PPP2R2B: variants seen among roughly 807,000 people sequenced by gnomAD.
The protein encoded by PPP2R2B is serine/threonine-protein phosphatase 2A 55 kDa regulatory subunit B beta isoform.
Under a neutral mutation model 46.0 loss-of-function variants are expected in PPP2R2B, and 5 were observed. The observed-to-expected ratio is 0.11, with a 90% CI of 0.06 to 0.23. The LOEUF (loss-of-function observed/expected upper bound fraction) is 0.23. PPP2R2B is among the 10% of genes least tolerant of loss of function. The pLI, the probability that PPP2R2B is intolerant of heterozygous loss-of-function variation, is 1.00. For synonymous variants in PPP2R2B, 215 were observed against 206.7 expected (o/e 1.04, Z -0.34); for missense variants, 367 against 575.0 (o/e 0.64, Z 3.70).
chr5:146,930,808 T>G (rs762476028), intron 1 of PPP2R2B, among the ~76,000 whole-genome samples: 4 of 152,234 alleles, frequency 2.6e-5, no homozygotes, highest in Non-Finnish European at 5.9e-5. Flanking sequence ...GAATTTTATG[T>G]CTAAAATTTC....
At chr5:146,942,499 T>G (rs1764351963) in intron 1 of PPP2R2B, among the ~76,000 whole-genome samples, 1 of 152,210 alleles carries the variant, frequency 6.6e-6, no homozygotes, top group Admixed American at 6.5e-5. Flanking sequence ...CTTTCACTTT[T>G]TAGTTGCACT....
intron 2 of PPP2R2B, among the ~76,000 whole-genome samples, chr5:146,735,921 T>C (rs1752507435): frequency 6.6e-6 from 1 of 152,200 alleles, no homozygotes; most frequent in African/African-American, 2.4e-5. Flanking sequence ...GCATTATTAT[T>C]TATGATTGCA....
rs185966010 is a variant in PPP2R2B, at chr5:146,999,854, A to G, written c.79+55811T>C. Among the ~76,000 whole-genome samples the G allele has an allele frequency of 5.3e-5, 8 of 152,308 alleles. No homozygotes were observed. In the East Asian group the frequency reaches 1.4e-3, roughly 26 times the overall value. ...CATATGAAGGCATTGGGCCAGACCAATGGTTTACATACTGCATGTAAAGGC... is the reference window on the plus strand; with the variant it reads ...CATATGAAGGCATTGGGCCAGACCAGTGGTTTACATACTGCATGTAAAGGC... On this transcript the variant is annotated intron_variant, in intron 1 of 8. Transcript: ENST00000336640.
chr5:146,854,314 A>G (rs778122409), intron 2 of PPP2R2B, among the ~76,000 whole-genome samples: 6 of 152,154 alleles, frequency 3.9e-5, no homozygotes, highest in Non-Finnish European at 5.9e-5. Context: ...TATGTTACAT[A>G]TTTATGGGGT....
rs112688576 is a variant in PPP2R2B, at chr5:146,734,723, A to T, written c.71-33581T>A. Among the ~76,000 whole-genome samples, 1,160 of 152,324 alleles carry T rather than the reference A, an allele frequency of 7.6e-3. 20 individuals carry two copies. The highest frequency in any genetic ancestry group is 0.027 in the African/African-American group (1,110 of 41,556). On this transcript the variant is annotated intron_variant, in intron 2 of 9. Transcript: ENST00000394411. ...ACCCTCTGCTGTCAAATTGGATAAAATCAATGTCTACCTCAAAGTGCTGGT... is the reference window on the plus strand; with the variant it reads ...ACCCTCTGCTGTCAAATTGGATAAATTCAATGTCTACCTCAAAGTGCTGGT...
intron 2 of PPP2R2B, among the ~76,000 whole-genome samples, chr5:146,810,865 C>T (rs185260711): frequency 0.012 from 1,623 of 140,100 alleles, 38 homozygotes; most frequent in African/African-American, 0.04. Flanking sequence ...TAATGCTATC[C>T]GTCCCCCCTC....
chr5:146,831,317 C>T (rs1007474472), intron 2 of PPP2R2B, among the ~76,000 whole-genome samples: 8 of 151,764 alleles, frequency 5.3e-5, no homozygotes, highest in African/African-American at 1.7e-4. Context: ...GGCAACATGG[C>T]GAAACCCCAT....
chr5:146,960,186 C>T (rs557049618), intron 1 of PPP2R2B, among the ~76,000 whole-genome samples: 9 of 152,138 alleles, frequency 5.9e-5, no homozygotes, highest in Non-Finnish European at 1.5e-5. Flanking sequence ...ACTCAGATTC[C>T]CTTGGCTCTA....
At chr5:146,708,230 G>A (rs1372548685) in intron 2 of PPP2R2B, among the ~76,000 whole-genome samples, 6 of 151,994 alleles carry the variant, frequency 3.9e-5, no homozygotes, top group South Asian at 4.2e-4. Flanking sequence ...GGTGGTGTAT[G>A]TCTGTGGTCC....
At chr5:146,808,772 G>T (rs1238401339) in intron 2 of PPP2R2B, among the ~76,000 whole-genome samples, 1 of 152,180 alleles carries the variant, frequency 6.6e-6, no homozygotes, top group Non-Finnish European at 1.5e-5. Context: ...CAAGGTATCT[G>T]CAGGGACATC....
At chr5:146,860,608 C>T (rs528524990) in intron 2 of PPP2R2B, among the ~76,000 whole-genome samples, 58 of 152,306 alleles carry the variant, frequency 3.8e-4, no homozygotes, top group African/African-American at 1.3e-3. Flanking sequence ...CCGATAGTCA[C>T]TAATCCACTG....
chr5:146,606,509 A>C (rs1331036515), intron 7 of PPP2R2B, among the ~76,000 whole-genome samples: 1 of 152,188 alleles, frequency 6.6e-6, no homozygotes, highest in Non-Finnish European at 1.5e-5. Flanking sequence ...AGTAGTACCT[A>C]TGTTCTAGGG....
chr5:146,746,640 C>T (rs11949312), intron 2 of PPP2R2B, among the ~76,000 whole-genome samples: 16,516 of 152,182 alleles, frequency 0.11, 1,161 homozygotes, highest in African/African-American at 0.2. Flanking sequence ...TTCTTCCTTG[C>T]GCTACCCCTG....
intron 7 of PPP2R2B, among the ~76,000 whole-genome samples, chr5:146,608,577 A>G (rs1017922103): frequency 1.3e-4 from 20 of 152,186 alleles, no homozygotes; most frequent in Admixed American, 7.9e-4. Flanking sequence ...CAGGTAGATC[A>G]CGAAGTCAGG....
Position 146,960,197 on chromosome 5 carries a change from T to C in PPP2R2B, c.79+95468A>G, listed in dbSNP as rs1209923076. Among the ~76,000 whole-genome samples the C allele has an allele frequency of 3.3e-5, 5 of 152,206 alleles. No homozygotes were observed. In the South Asian group the frequency reaches 8.3e-4, roughly 25 times the overall value. The stretch of plus-strand genomic sequence containing the variant: ...TCTTACTCAGATTCCCTTGGCTCTA[T>C]TGAGAGTATCCAGGATAGTCCCTAG... On this transcript the variant is annotated intron_variant, in intron 1 of 8. Transcript: ENST00000336640.
intron 2 of PPP2R2B, among the ~76,000 whole-genome samples, chr5:146,803,244 C>A (rs1756973080): frequency 6.6e-6 from 1 of 152,064 alleles, no homozygotes; most frequent in Non-Finnish European, 1.5e-5. Context: ...AAAATTTCCC[C>A]ACATTTTGTA....
chr5:146,638,050 TATTTTC>T (rs3062274), intron 7 of PPP2R2B, among the ~76,000 whole-genome samples, 195 bp downstream of exon 7: 18,991 of 152,136 alleles, frequency 0.12, 2,245 homozygotes, highest in African/African-American at 0.3. Context: ...ATGTCTTATT[TATTTTC>T]ATCTCTGGAT....
chr5:146,952,210 C>G (rs1381966847), intron 1 of PPP2R2B, among the ~76,000 whole-genome samples: 1 of 151,966 alleles, frequency 6.6e-6, no homozygotes, highest in Non-Finnish European at 1.5e-5. Flanking sequence ...TTTTTTAAAT[C>G]CTTTTTTTGG....
Position 146,701,953 on chromosome 5 carries a change from T to C in PPP2R2B, c.71-811A>G, listed in dbSNP as rs151138147. Among the ~76,000 whole-genome samples, 604 of 151,950 alleles carry C rather than the reference T, an allele frequency of 4.0e-3. 4 individuals are homozygous for C. The highest frequency in any genetic ancestry group is 0.014 in the African/African-American group (570 of 41,418). ...ACATGGACAGGTAAATTACCTATGA[T>C]TGGATTTATTAGGGCTATTTTTAGA... On this transcript the variant is annotated intron_variant, in intron 2 of 9. Coordinates refer to ENST00000394411, the MANE Select transcript of PPP2R2B (RefSeq NM_181675.4).
Sources: allele counts gnomAD v4.1 joint callset (sites outside exome capture counted in the v4.1 genomes callset), GRCh38; gene constraint gnomAD v4.1.1; transcripts MANE v1.5; gene names NCBI Gene and HGNC (gene_info 2026-07-23, HGNC 2026-07-21).